GABRB1: variants seen among roughly 807,000 people sequenced by gnomAD.
The protein encoded by GABRB1 is gamma-aminobutyric acid receptor subunit beta-1.
In GABRB1, 17 loss-of-function variants were observed where a neutral mutation model predicts 51.6. The observed-to-expected ratio is 0.33, with a 90% CI of 0.23 to 0.49. The LOEUF (loss-of-function observed/expected upper bound fraction) is 0.49. Ranked by LOEUF, GABRB1 falls within the 20% of genes least tolerant of loss-of-function variation. The pLI, the probability that GABRB1 is intolerant of heterozygous loss-of-function variation, is 0.99. For synonymous variants in GABRB1, 247 were observed against 218.9 expected (o/e 1.13, Z -1.14); for missense variants, 410 against 600.6 (o/e 0.68, Z 3.32).
chr4:47,029,229 T>C (rs1371497980), upstream of GABRB1, among the ~76,000 whole-genome samples: 1 of 151,980 alleles, frequency 6.6e-6, no homozygotes, highest in Non-Finnish European at 1.5e-5. Context: ...CATGGGCATC[T>C]TTGACTTTAC....
intron 3 of GABRB1, among the ~76,000 whole-genome samples, chr4:47,034,987 A>G (rs1241756040): frequency 1.3e-5 from 2 of 152,186 alleles, no homozygotes; most frequent in African/African-American, 4.8e-5. Context: ...TGACAAGAAT[A>G]TAACAAAGAG....
intron 3 of GABRB1, among the ~76,000 whole-genome samples, chr4:47,039,254 T>G (rs1433134550): frequency 2.0e-5 from 3 of 151,462 alleles, no homozygotes; most frequent in Non-Finnish European, 2.9e-5. Context: ...TATCTTTCCC[T>G]GTCTCTCACA....
At chr4:47,326,601 T>C (rs1248996948) in intron 5 of GABRB1, among the ~76,000 whole-genome samples, 3 of 152,102 alleles carry the variant, frequency 2.0e-5, no homozygotes, top group Non-Finnish European at 4.4e-5. Context: ...TTGGAATATA[T>C]CTCCTGAACG....
intron 3 of GABRB1, among the ~76,000 whole-genome samples, chr4:47,145,070 A>G (rs969905948): frequency 6.6e-6 from 1 of 152,048 alleles, no homozygotes; most frequent in African/African-American, 2.4e-5. Context: ...AAGAACAGAA[A>G]AAAAAATACA....
intron 3 of GABRB1, among the ~76,000 whole-genome samples, chr4:47,042,466 G>A (rs568161415): frequency 1.9e-4 from 27 of 142,736 alleles, no homozygotes; most frequent in African/African-American, 6.9e-4. Flanking sequence ...TATGTGCACA[G>A]TATATATATA....
At chr4:47,199,096 G>A (rs1018772789) in intron 4 of GABRB1, among the ~76,000 whole-genome samples, 2 of 152,076 alleles carry the variant, frequency 1.3e-5, no homozygotes, top group Non-Finnish European at 1.5e-5. Context: ...TATCAATTTC[G>A]AAGCAACGTG....
intron 4 of GABRB1, among the ~76,000 whole-genome samples, chr4:47,287,872 C>T (rs187433284): frequency 2.2e-4 from 33 of 152,282 alleles, no homozygotes; most frequent in African/African-American, 6.5e-4. Context: ...AGATTCTCAG[C>T]TCAACAGCAT....
upstream of GABRB1, among the ~76,000 whole-genome samples, chr4:47,029,997 T>C (rs1373466372): frequency 6.6e-6 from 1 of 152,170 alleles, no homozygotes; most frequent in East Asian, 1.9e-4. Flanking sequence ...CCAGGTTTTC[T>C]TGGCTTTTAT....
chr4:47,060,182 A>G (rs1011554417), intron 3 of GABRB1, among the ~76,000 whole-genome samples: 2 of 152,202 alleles, frequency 1.3e-5, no homozygotes, highest in African/African-American at 2.4e-5. Context: ...AATAAAGATG[A>G]TCTCCAATAG....
intron 3 of GABRB1, among the ~76,000 whole-genome samples, chr4:47,104,837 T>C (rs916422057): frequency 5.3e-5 from 8 of 152,064 alleles, no homozygotes; most frequent in Admixed American, 2.0e-4. Flanking sequence ...GTATGAATGC[T>C]GCCCAAGTTT....
At chr4:47,136,289 C>T (rs1029312878) in intron 3 of GABRB1, among the ~76,000 whole-genome samples, 1 of 152,026 alleles carries the variant, frequency 6.6e-6, no homozygotes, top group African/African-American at 2.4e-5. Context: ...CCTTGAATAC[C>T]ACTTCTAAGA....
rs143908536 is a variant in GABRB1 at position 47,392,295 on chromosome 4, T to C, written c.545-11023T>C. ...GTCGCCAGAAACTGAGGCACTACCATGCTGCAAGAGCCAGGAACAGGAAGC... is the reference window on the plus strand; with the variant it reads ...GTCGCCAGAAACTGAGGCACTACCACGCTGCAAGAGCCAGGAACAGGAAGC... On this transcript the variant is annotated intron_variant, in intron 5 of 8. Transcript: ENST00000295454. Among the ~76,000 whole-genome samples, 792 of 151,320 alleles carry C rather than the reference T, an allele frequency of 5.2e-3. 7 individuals are homozygous for C. Among genetic ancestry groups the C allele is most frequent in the African/African-American group, 0.018 (760 of 41,226 alleles).
At chr4:47,059,896 G>C (rs777781070) in intron 3 of GABRB1, among the ~76,000 whole-genome samples, 1 of 152,098 alleles carries the variant, frequency 6.6e-6, no homozygotes, top group Non-Finnish European at 1.5e-5. Context: ...TCTACCCGCT[G>C]TCAAACACAG....
At chr4:47,392,498 A>G (rs1224014146) in intron 5 of GABRB1, among the ~76,000 whole-genome samples, 1 of 152,100 alleles carries the variant, frequency 6.6e-6, no homozygotes, top group African/African-American at 2.4e-5. Flanking sequence ...GTGCACCACC[A>G]CGCCCAGCTA....
At chr4:47,406,567 T>A in intron 7 of GABRB1, 115 bp from the exon 8 acceptor site, 1 of 1,285,588 alleles carries the variant, frequency 7.8e-7, no homozygotes, top group East Asian at 2.3e-5. Flanking sequence ...ATCATGCTAC[T>A]GTGATCACTC....
intron 5 of GABRB1, among the ~76,000 whole-genome samples, chr4:47,340,729 A>G (rs975061666): frequency 9.9e-5 from 15 of 152,170 alleles, no homozygotes; most frequent in African/African-American, 3.1e-4. Context: ...AATGTTCTGT[A>G]AACACAAACA....
At chr4:47,265,195 G>A (rs1430037343) in intron 4 of GABRB1, among the ~76,000 whole-genome samples, 5 of 152,082 alleles carry the variant, frequency 3.3e-5, no homozygotes, top group African/African-American at 1.2e-4. Flanking sequence ...AGGTGAGAAT[G>A]TGCAATATTT....
intron 5 of GABRB1, among the ~76,000 whole-genome samples, chr4:47,392,294 A>C (rs1049901155): frequency 6.6e-6 from 1 of 150,878 alleles, no homozygotes; most frequent in East Asian, 1.9e-4. Flanking sequence ...AGGCACTACC[A>C]TGCTGCAAGA....
upstream of GABRB1, among the ~76,000 whole-genome samples, chr4:47,027,172 T>G (rs1350041548): frequency 6.6e-6 from 1 of 151,580 alleles, no homozygotes; most frequent in Non-Finnish European, 1.5e-5. Context: ...GCGTACATTT[T>G]GAAACAAAAT....
Sources: gnomAD v4.1 joint callset for allele counts (sites outside exome capture counted in the v4.1 genomes callset) on GRCh38, gnomAD v4.1.1 for gene constraint, MANE v1.5 for transcripts, NCBI Gene and HGNC (gene_info 2026-07-23, HGNC 2026-07-21) for gene names.